Variants in PROSER1 observed in about 807,000 individuals in gnomAD.
PROSER1 encodes proline and serine-rich protein 1.
Under a neutral mutation model 71.8 loss-of-function variants are expected in PROSER1, and 36 were observed. That is an observed-to-expected ratio of 0.50 (90% CI 0.38 to 0.66). The LOEUF (loss-of-function observed/expected upper bound fraction) is 0.66. Among genes scored for constraint, PROSER1 ranks in the 30% least tolerant of loss-of-function variants. The pLI is 0.00. For synonymous variants in PROSER1, 490 were observed against 452.4 expected (o/e 1.08, Z -1.06); for missense variants, 1,107 against 1,135.0 (o/e 0.98, Z 0.35).
intron 1 of PROSER1, among the ~76,000 whole-genome samples, chr13:39,036,521 C>A (rs1237709214): frequency 2.0e-5 from 3 of 152,112 alleles, no homozygotes; most frequent in Non-Finnish European, 2.9e-5. Flanking sequence ...AGTAACTTCT[C>A]GGTATTTTTG....
At chr13:39,031,345 T>C (rs936836477) in intron 3 of PROSER1, among the ~76,000 whole-genome samples, 2 of 152,232 alleles carry the variant, frequency 1.3e-5, no homozygotes, top group Non-Finnish European at 2.9e-5. Context: ...GGTGAAGTTT[T>C]CTTCTAACTT....
At chr13:39,023,307 T>C in intron 7 of PROSER1, 177 bp from the exon 8 acceptor site, 1 of 536,596 alleles carries the variant, frequency 1.9e-6, no homozygotes, top group Non-Finnish European at 3.3e-6. Context: ...ATGTGGTTGC[T>C]ATTAAATTCC....
intron 12 of PROSER1, 82 bp from the exon 13 acceptor site, chr13:39,011,569 G>C (rs1336868428): frequency 2.9e-6 from 4 of 1,388,010 alleles, no homozygotes; most frequent in Non-Finnish European, 4.0e-6. Flanking sequence ...GCCACACAGA[G>C]ATATTCAGAA....
At chr13:39,021,448 C>G (rs1870286270) in intron 9 of PROSER1, among the ~76,000 whole-genome samples, 1 of 152,088 alleles carries the variant, frequency 6.6e-6, no homozygotes. Flanking sequence ...ACTTTGATCT[C>G]TCTTGGGTTC....
Position 39,012,144 on chromosome 13 carries a change from G to A in PROSER1, c.2651C>T (p.Ser884Leu). ...CTGTAATTCTTGCAAGGATGATTGT[G>A]AAGGATTCTGAGGAAACCCAGGGAT... ...PGIPGFPQNP[S>L]QSSLQELQHN... The change falls in exon 12 of 13, where the codon TCA (serine) becomes TTA (leucine). Residue 884 changes from serine (S) to leucine (L), a missense_variant. By Grantham distance (145) the Ser-to-Leu change is moderately radical. Coordinates refer to ENST00000352251, the MANE Select transcript of PROSER1 (RefSeq NM_025138.5). The A allele has an allele frequency of 5.6e-6, 9 of 1,614,206 alleles. No individual in the cohort carries two copies. Among genetic ancestry groups the A allele is most frequent in the South Asian group, 1.1e-5 (1 of 91,088 alleles).
intron 10 of PROSER1, among the ~76,000 whole-genome samples, chr13:39,016,333 T>C (rs1022403913): frequency 1.3e-5 from 2 of 152,204 alleles, no homozygotes; most frequent in Admixed American, 6.5e-5. Flanking sequence ...ATTTGACAGA[T>C]GGGCAATCTG....
At chr13:39,015,663 T>C (rs1393227174) in intron 10 of PROSER1, among the ~76,000 whole-genome samples, 1 of 152,078 alleles carries the variant, frequency 6.6e-6, no homozygotes, top group Non-Finnish European at 1.5e-5. Context: ...GGGTGTCACA[T>C]TGGGCTGAAC....
rs116550671 is a variant in PROSER1, at chr13:39,030,019, T to C, written c.181-644A>G. 5.3e-3 allele frequency among the ~76,000 whole-genome samples: 807 copies of C among 152,292 alleles called. 10 individuals carry two copies. Among genetic ancestry groups the C allele is most frequent in the African/African-American group, 0.019 (777 of 41,566 alleles). ...TGGCCAATTTGGACATTTATGTTAA[T>C]AGTGAAGGAAAATTAAAAGCAACAT... On this transcript the variant is annotated intron_variant, in intron 3 of 12. Transcript: ENST00000352251.
At chr13:39,031,695 G>C in intron 2 of PROSER1, 64 bp from the exon 3 acceptor site, 2 of 1,428,704 alleles carry the variant, frequency 1.4e-6, no homozygotes, top group South Asian at 1.2e-5. Context: ...TAAGATTTCA[G>C]TACTTGAAAT....
chr13:39,018,218 A>T (rs1008924092), intron 9 of PROSER1, among the ~76,000 whole-genome samples: 24 of 152,284 alleles, frequency 1.6e-4, no homozygotes, highest in African/African-American at 5.5e-4. Flanking sequence ...TCCTCAAGGG[A>T]AAGGATCTAT....
intron 10 of PROSER1, among the ~76,000 whole-genome samples, chr13:39,017,010 G>A (rs1593529425): frequency 6.6e-6 from 1 of 152,202 alleles, no homozygotes; most frequent in South Asian, 2.1e-4. Context: ...GCACTATGTA[G>A]GACACACTTC....
intron 5 of PROSER1, among the ~76,000 whole-genome samples, chr13:39,027,257 G>A (rs866845736): frequency 1.3e-4 from 19 of 151,934 alleles, no homozygotes; most frequent in Admixed American, 4.6e-4. Context: ...AAAGAGTACC[G>A]GGGTGAATGC....
At chr13:39,025,279 T>C (rs1197801756) in intron 6 of PROSER1, among the ~76,000 whole-genome samples, 2 of 152,134 alleles carry the variant, frequency 1.3e-5, no homozygotes, top group East Asian at 3.8e-4. Flanking sequence ...GTTGATAGAT[T>C]ATTGCAGTGT....
chr13:39,019,682 T>C (rs559552916), intron 9 of PROSER1, among the ~76,000 whole-genome samples: 2 of 151,794 alleles, frequency 1.3e-5, no homozygotes, highest in East Asian at 3.9e-4. Context: ...AGAACAGTTG[T>C]TAAAAAAACA....
intron 9 of PROSER1, among the ~76,000 whole-genome samples, chr13:39,019,516 C>CAAAAAAAAAA (rs1183602451): frequency 2.4e-5 from 1 of 40,824 alleles, no homozygotes; most frequent in African/African-American, 8.1e-5. Context: ...AACTCTGTCT[C>CAAAAAAAAAA]AAAAAAAAAA....
At chr13:39,016,462 ATTTG>A (rs1192085520) in intron 10 of PROSER1, among the ~76,000 whole-genome samples, 1 of 152,192 alleles carries the variant, frequency 6.6e-6, no homozygotes, top group Non-Finnish European at 1.5e-5. Context: ...GTTTGTCTTA[ATTTG>A]TTTCTTAATA....
intron 3 of PROSER1, among the ~76,000 whole-genome samples, chr13:39,029,912 T>C (rs1566028170): frequency 2.0e-5 from 3 of 152,210 alleles, no homozygotes; most frequent in Non-Finnish European, 2.9e-5. Flanking sequence ...TTAATGTGCA[T>C]TGTGATGCAC....
chr13:39,013,227 AG>A lies in PROSER1; in HGVS notation c.2024del (p.Pro675LeufsTer29). 6.2e-7 allele frequency: 1 copy of A among 1,614,152 alleles called. No individual in the cohort carries two copies. The highest frequency in any genetic ancestry group is 8.5e-7 in the Non-Finnish European group (1 of 1,180,022). On this transcript the variant is annotated frameshift_variant, in exon 11 of 13. Transcript: ENST00000352251. LOFTEE classifies it high-confidence loss of function. The stretch of plus-strand genomic sequence containing the variant: ...GTGGTGGAAGGGAAATAGAGGAAAG[AG>A]GATTTGAACCATTTAAAGGAGTACT... Reference protein sequence around the residue: ...SLSTPLNGSNPLSSISLPPHG... With the variant: ...SLSTPLNGSNXLSSISLPPHG...
At chr13:39,014,533 T>A in intron 10 of PROSER1, 57 bp from the exon 11 acceptor site, 5 of 1,311,842 alleles carry the variant, frequency 3.8e-6, no homozygotes. Flanking sequence ...ACGTCAAATT[T>A]TGAATTAAAA....
Sources: gnomAD v4.1 joint callset for allele counts (sites outside exome capture counted in the v4.1 genomes callset) on GRCh38, gnomAD v4.1.1 for gene constraint, MANE v1.5 for transcripts, NCBI Gene and HGNC (gene_info 2026-07-23, HGNC 2026-07-21) for gene names.